Variants in HIP1R observed in about 807,000 individuals in gnomAD.
The protein encoded by HIP1R is huntingtin interacting protein 1 related, also known as huntingtin-interacting protein 1-related protein.
A neutral mutation model predicts 144.2 loss-of-function variants in HIP1R; 135 were observed. The observed-to-expected ratio is 0.94, with a 90% confidence interval of 0.81 to 1.08. HIP1R has a LOEUF of 1.08. Among genes scored for constraint, HIP1R ranks in the 50% least tolerant of loss-of-function variants. HIP1R has a pLI of 0.00. For missense variants in HIP1R, 1,462 were observed against 1,432.8 expected (o/e 1.02, Z -0.33); for synonymous variants, 698 against 612.8 (o/e 1.14, Z -2.05).
At chr12:122,849,122 C>A (rs559590104) in intron 4 of HIP1R, among the ~76,000 whole-genome samples, 1 of 152,274 alleles carries the variant, frequency 6.6e-6, no homozygotes, top group Non-Finnish European at 1.5e-5. Context: ...AGACCACAGC[C>A]CGGGCACCTC....
chr12:122,853,218 G>T (rs2033452101), intron 7 of HIP1R, among the ~76,000 whole-genome samples: 1 of 150,976 alleles, frequency 6.6e-6, no homozygotes, highest in Admixed American at 6.6e-5. Context: ...AGGCCCGATT[G>T]TCAGGGGCAG....
At chr12:122,844,533 C>T (rs1433342722) in intron 1 of HIP1R, among the ~76,000 whole-genome samples, 2 of 152,218 alleles carry the variant, frequency 1.3e-5, no homozygotes, top group Non-Finnish European at 2.9e-5. Context: ...TCCTCCTCCT[C>T]ATGCTCTCAT....
intron 7 of HIP1R, chr12:122,853,757 G>C: frequency 2.9e-6 from 1 of 347,042 alleles, no homozygotes; most frequent in Non-Finnish European, 5.2e-6. Flanking sequence ...ACCCTTGTCA[G>C]TCGGGCACCT....
chr12:122,859,779 T>G lies in HIP1R; in HGVS notation c.2414T>G (p.Met805Arg), dbSNP rs1220194495. The change falls in exon 24 of 32, where the codon ATG (methionine) becomes AGG (arginine). Residue 805 changes from methionine to arginine, a missense_variant. Met to Arg is a moderately conservative substitution (Grantham distance 91, BLOSUM62 -1). This residue lies in a region of HIP1R where 1,112 missense variants were observed against 1,011.7 expected (regional missense o/e 1.10). Coordinates refer to ENST00000253083, the MANE Select transcript of HIP1R (RefSeq NM_003959.3). ...EDAVRRIEDM[M>R]NQARHASSGV... ...CTCTGTTCTTGGGTGCAGGACATGATGAACCAGGCACGCCACGCCAGCTCG... is the reference window on the plus strand; with the variant it reads ...CTCTGTTCTTGGGTGCAGGACATGAGGAACCAGGCACGCCACGCCAGCTCG... 1.2e-5 allele frequency: 19 copies of G among 1,612,834 alleles called. No individual in the cohort carries two copies. The highest frequency in any genetic ancestry group is 1.2e-5 in the Non-Finnish European group (14 of 1,179,802).
At position 122,848,321 on chromosome 12, in the gene HIP1R, T is replaced by C. The variant is rs565731754; in HGVS notation, c.158-145T>C. The C allele has an allele frequency of 5.3e-5, 58 of 1,094,958 alleles. 1 individual carries two copies. In the South Asian group the frequency reaches 9.1e-4, roughly 17 times the overall value. 67.8% of individuals were successfully genotyped at this position (1,094,958 alleles called of 1,614,324 possible). On this transcript the variant is annotated intron_variant, in intron 2 of 31. Coordinates refer to ENST00000253083, the MANE Select transcript of HIP1R (RefSeq NM_003959.3). ...TTGCCCTAACTCCTGTCCCCTTGGCTGGACACTGGAGCTCTGGTGACCCGG... is the reference window on the plus strand; with the variant it reads ...TTGCCCTAACTCCTGTCCCCTTGGCCGGACACTGGAGCTCTGGTGACCCGG...
intron 18 of HIP1R, chr12:122,857,423 C>G (rs1029332130): frequency 1.6e-6 from 1 of 620,572 alleles, no homozygotes; most frequent in African/African-American, 1.8e-5. Context: ...CCTTTTATGG[C>G]TGAGTCGTAC....
chr12:122,861,776 T>A lies in HIP1R; in HGVS notation c.*23T>A. ...TAGGCCCCCCAGGGGTCCAGCAGGG[T>A]GGCTGGTGACAGGCCTGGGCCTCTG... On this transcript the variant is annotated 3_prime_UTR_variant, in exon 32 of 32. Coordinates refer to ENST00000253083, the MANE Select transcript of HIP1R (RefSeq NM_003959.3). 6.2e-7 allele frequency: 1 copy of A among 1,612,128 alleles called. No homozygotes were observed. Among genetic ancestry groups the A allele is most frequent in the South Asian group, 1.1e-5 (1 of 91,036 alleles).
chr12:122,857,977 AC>A, intron 18 of HIP1R, 124 bp from the exon 19 acceptor site: 6 of 769,306 alleles, frequency 7.8e-6, no homozygotes, highest in Non-Finnish European at 1.2e-5. Context: ...AGAAATCTCC[AC>A]CCCCCTGACC....
chr12:122,849,899 C>T lies in HIP1R; in HGVS notation c.382C>T (p.Gln128Ter). 6.2e-6 allele frequency: 10 copies of T among 1,613,534 alleles called. No homozygotes were observed. The highest frequency in any genetic ancestry group is 8.5e-6 in the Non-Finnish European group (10 of 1,179,838). Residue 128 changes from glutamine (Q) to a stop codon, truncating the protein, a stop_gained, in exon 5 of 32, where the codon CAG becomes TAG. Coordinates refer to ENST00000253083, the MANE Select transcript of HIP1R (RefSeq NM_003959.3). LOFTEE classifies it high-confidence loss of function. ...GGGACATTTGCATGACCGCTACGGA[C>T]AGCTGGTGAATGTCTACACCAAGCT... ...LWGHLHDRYG[Q>*]LVNVYTKLLL...
intron 1 of HIP1R, 150 bp from the exon 2 acceptor site, chr12:122,847,881 T>C: frequency 1.6e-6 from 1 of 616,044 alleles, no homozygotes. Context: ...CTTCAGAAGC[T>C]TAGGTTGAGG....
chr12:122,844,706 T>C lies in HIP1R; in HGVS notation c.94-3325T>C, dbSNP rs192786198. 8.0e-4 allele frequency among the ~76,000 whole-genome samples: 122 copies of C among 152,324 alleles called. No individual in the cohort carries two copies. In the Middle Eastern group the frequency reaches 0.017, roughly 21 times the overall value. On this transcript the variant is annotated intron_variant, in intron 1 of 31. Transcript: ENST00000253083. ...GGACAGACCCCGGGGCGGTCACATG[T>C]GTCCTTATGATCTTCCTTTCTCTAG...
In HIP1R at chr12:122,856,055, A is replaced by C. The variant is rs370333645; in HGVS notation, c.1204A>C (p.Lys402Gln). ...TGAGCTGGAGGAGCAGCGGAAGCAG[A>C]AGCAGAAGGCCCTGGTGGATAATGA... ...EGELEEQRKQKQKALVDNEQL... is the reference protein window; with the variant it reads ...EGELEEQRKQQQKALVDNEQL... The change falls in exon 14 of 32, where the codon AAG (lysine) becomes CAG (glutamine). Residue 402 changes from lysine (K) to glutamine (Q), a missense_variant. Lys to Gln is a moderately conservative substitution (Grantham distance 53). Around this residue, in one of 2 missense-constraint regions of HIP1R, gnomAD observed 1,112 missense variants for 1,011.7 expected, o/e 1.10. Transcript: ENST00000253083. The C allele has an allele frequency of 3.1e-6, 5 of 1,593,204 alleles. No individual in the cohort carries two copies. In the African/African-American group the frequency reaches 5.4e-5, roughly 17 times the overall value.
intron 4 of HIP1R, 77 bp downstream of exon 4, chr12:122,848,929 C>T (rs780929723): frequency 2.0e-6 from 3 of 1,479,676 alleles, no homozygotes; most frequent in African/African-American, 1.4e-5. Context: ...AGGGTGGCTC[C>T]CTGTGGGCAG....
At chr12:122,850,944 C>G (rs1451649173) in intron 6 of HIP1R, 33 bp downstream of exon 6, 1 of 1,573,308 alleles carries the variant, frequency 6.4e-7, no homozygotes, top group Admixed American at 1.7e-5. Flanking sequence ...ATAGCCAGTT[C>G]CCCTCGGCTT....
chr12:122,859,198 G>A lies in HIP1R; in HGVS notation c.2295+1G>A, dbSNP rs770156351. ...GCAGGGCATCCTTCAGCTGGGCCAG[G>A]TGAGGCACAGCTGAGTGTGGGTTTG... On this transcript the variant is annotated splice_donor_variant, in intron 22 of 31. Coordinates refer to ENST00000253083, the MANE Select transcript of HIP1R (RefSeq NM_003959.3). LOFTEE classifies it high-confidence loss of function. The A allele has an allele frequency of 8.9e-6, 14 of 1,570,198 alleles. No individual in the cohort carries two copies. Among genetic ancestry groups the A allele is most frequent in the African/African-American group, 1.3e-5 (1 of 74,210 alleles).
chr12:122,851,694 A>AAAAAAG (rs1555262581), intron 7 of HIP1R, among the ~76,000 whole-genome samples: 2 of 149,126 alleles, frequency 1.3e-5, no homozygotes, highest in African/African-American at 4.9e-5. Context: ...AAAAAAAAAA[A>AAAAAAG]AAAGAAAAAG....
In HIP1R at chr12:122,848,783, C is replaced by A; in HGVS notation, c.301-13C>A. On this transcript the variant is annotated splice_polypyrimidine_tract_variant and intron_variant, in intron 3 of 31. Transcript: ENST00000253083. The stretch of plus-strand genomic sequence containing the variant: ...CTGGACACTCCCCCACTCCCGTATT[C>A]CCTGCGCTGCAGGTGCTGCATGACT... The A allele has an allele frequency of 6.2e-7, 1 of 1,613,160 alleles. No homozygotes were observed. The highest frequency in any genetic ancestry group is 8.5e-7 in the Non-Finnish European group (1 of 1,179,944).
Position 122,860,479 on chromosome 12 carries a change from C to T in HIP1R, c.2616C>T (p.Leu872=). 1 of 1,613,278 alleles carries T rather than the reference C, an allele frequency of 6.2e-7. No individual in the cohort carries two copies. Among genetic ancestry groups the T allele is most frequent in the South Asian group, 1.1e-5 (1 of 91,086 alleles). ...YAKNSRWTEG[L]ISASKAVGWG... ...AGAACTCGCGCTGGACCGAAGGCCT[C>T]ATCTCGGCCTCCAAGGCTGTGGGCT... Residue 872 remains leucine, a synonymous_variant, in exon 27 of 32, where the codon CTC becomes CTT. Coordinates refer to ENST00000253083, the MANE Select transcript of HIP1R (RefSeq NM_003959.3).
At chr12:122,848,932 G>A (rs1194406998) in intron 4 of HIP1R, 80 bp downstream of exon 4, 4 of 1,456,958 alleles carry the variant, frequency 2.7e-6, no homozygotes, top group Non-Finnish European at 3.8e-6. Context: ...GTGGCTCCCT[G>A]TGGGCAGTTC....
Sources: allele counts gnomAD v4.1 joint callset (sites outside exome capture counted in the v4.1 genomes callset), GRCh38; gene constraint gnomAD v4.1.1; regional missense constraint gnomAD v4.1.1; transcripts MANE v1.5; gene names NCBI Gene and HGNC (gene_info 2026-07-23, HGNC 2026-07-21).